The following SUGCT variants were observed in gnomAD, a reference collection of about 807,000 sequenced individuals.
SUGCT encodes the protein succinyl-CoA:glutarate CoA-transferase.
In SUGCT, 41 loss-of-function variants were observed where a neutral mutation model predicts 55.0. That is an observed-to-expected ratio of 0.74 (90% CI 0.58 to 0.97). The LOEUF is 0.97. Ranked by LOEUF, SUGCT falls within the 50% of genes least tolerant of loss-of-function variation. The pLI is 0.00. For synonymous variants in SUGCT, 187 were observed against 200.4 expected, an observed-to-expected ratio of 0.93 and a Z score of 0.56; for missense variants, 568 against 547.8, an observed-to-expected ratio of 1.04 and a Z score of -0.37.
the SUGCT span, among the ~76,000 whole-genome samples, chr7:40,962,322 C>A: frequency 2.6e-5 from 4 of 152,076 alleles, no homozygotes; most frequent in African/African-American, 9.7e-5. Context: ...TAGCTAGACA[C>A]AGAGCACTGA....
chr7:40,666,455 C>A (rs2151862905), intron 12 of SUGCT, among the ~76,000 whole-genome samples: 2 of 76,226 alleles, frequency 2.6e-5, no homozygotes, highest in African/African-American at 1.2e-4. Flanking sequence ...GGTGGGTGGA[C>A]AGGATATTTA....
the SUGCT span, among the ~76,000 whole-genome samples, chr7:40,882,680 C>G: frequency 6.6e-6 from 1 of 152,148 alleles, no homozygotes; most frequent in African/African-American, 2.4e-5. Context: ...GAACATTGGC[C>G]TTCCTGAAAT....
chr7:40,854,395 T>TTTTCTTTC (rs145101175), intron 13 of SUGCT, among the ~76,000 whole-genome samples: 2 of 124,298 alleles, frequency 1.6e-5, no homozygotes, highest in African/African-American at 2.9e-5. Flanking sequence ...ATCAAAATTT[T>TTTTCTTTC]TTTCTTTCTT....
intron 1 of SUGCT, among the ~76,000 whole-genome samples, chr7:40,156,449 T>G (rs1783901933): frequency 6.6e-6 from 1 of 151,338 alleles, no homozygotes; most frequent in Non-Finnish European, 1.5e-5. Flanking sequence ...GGCGACAGAG[T>G]GAGACTCTGC....
At chr7:40,671,576 A>T (rs902546208) in intron 12 of SUGCT, among the ~76,000 whole-genome samples, 4 of 152,218 alleles carry the variant, frequency 2.6e-5, no homozygotes, top group African/African-American at 9.6e-5. Flanking sequence ...AGCAGTGTAC[A>T]TGTGGACACC....
At chr7:40,497,547 C>T (rs1792050370) in intron 12 of SUGCT, among the ~76,000 whole-genome samples, 1 of 152,078 alleles carries the variant, frequency 6.6e-6, no homozygotes, top group Admixed American at 6.6e-5. Context: ...TATGTGAATT[C>T]ATCTGAAAGG....
At chr7:40,560,263 T>C (rs992478387) in intron 12 of SUGCT, among the ~76,000 whole-genome samples, 1 of 152,162 alleles carries the variant, frequency 6.6e-6, no homozygotes, top group Non-Finnish European at 1.5e-5. Flanking sequence ...CACATGTGCA[T>C]GCATGCATGC....
chr7:40,946,795 A>T, the SUGCT span, among the ~76,000 whole-genome samples: 1 of 152,156 alleles, frequency 6.6e-6, no homozygotes, highest in African/African-American at 2.4e-5. Context: ...CCATTTTTTT[A>T]AAATGAGAAA....
In SUGCT at chr7:40,380,170, T is replaced by C. The variant is rs562171515; in HGVS notation, c.816+63315T>C. ...AGTTCCAACCCAGTTCAGTGTCTTCTAGTGGCTGGTAGTCTGCTGGTTTTC... is the reference window on the plus strand; with the variant it reads ...AGTTCCAACCCAGTTCAGTGTCTTCCAGTGGCTGGTAGTCTGCTGGTTTTC... On this transcript the variant is annotated intron_variant, in intron 9 of 13. Coordinates refer to ENST00000335693, the MANE Select transcript of SUGCT (RefSeq NM_001193313.2). Among the ~76,000 whole-genome samples the C allele has an allele frequency of 2.6e-5, 4 of 152,328 alleles. No homozygotes were observed. The East Asian group carries it at 7.7e-4, about 29-fold the overall frequency.
At chr7:40,508,559 G>A (rs1238763959) in intron 12 of SUGCT, among the ~76,000 whole-genome samples, 3 of 139,758 alleles carry the variant, frequency 2.1e-5, no homozygotes, top group South Asian at 4.6e-4. Context: ...GAGGTGTAGA[G>A]CTTGGTAGTG....
the SUGCT span, among the ~76,000 whole-genome samples, chr7:40,943,940 T>C: frequency 6.7e-6 from 1 of 148,926 alleles, no homozygotes; most frequent in Non-Finnish European, 1.5e-5. Context: ...CTCCAGCACC[T>C]GTTGTTTCCT....
chr7:40,259,795 A>G (rs931615678), intron 7 of SUGCT, among the ~76,000 whole-genome samples: 4 of 152,188 alleles, frequency 2.6e-5, no homozygotes, highest in African/African-American at 9.6e-5. Flanking sequence ...CATCTTTTGT[A>G]TCACAAATTT....
intron 9 of SUGCT, among the ~76,000 whole-genome samples, chr7:40,367,201 T>C (rs1478379587): frequency 1.5e-5 from 2 of 135,298 alleles, no homozygotes; most frequent in African/African-American, 2.8e-5. Flanking sequence ...CACTCATAGG[T>C]GGGAATTGAA....
chr7:40,986,433 C>T, the SUGCT span, among the ~76,000 whole-genome samples: 3 of 152,216 alleles, frequency 2.0e-5, no homozygotes, highest in African/African-American at 7.2e-5. Context: ...TTACTCCACT[C>T]ATCACCATGG....
At chr7:41,028,737 C>G in the SUGCT span, among the ~76,000 whole-genome samples, 1 of 152,202 alleles carries the variant, frequency 6.6e-6, no homozygotes, top group Non-Finnish European at 1.5e-5. Flanking sequence ...AAAATGTTGT[C>G]ATGCAGTTCT....
chr7:40,967,565 C>T, the SUGCT span, among the ~76,000 whole-genome samples: 89 of 152,176 alleles, frequency 5.8e-4, no homozygotes, highest in Middle Eastern at 3.4e-3. Flanking sequence ...ATTCTGGCTA[C>T]ATAGCATTGA....
At chr7:40,960,276 C>T in the SUGCT span, among the ~76,000 whole-genome samples, 1 of 152,184 alleles carries the variant, frequency 6.6e-6, no homozygotes, top group Non-Finnish European at 1.5e-5. Flanking sequence ...AAAGCTGTTT[C>T]TCATAGTGAA....
intron 13 of SUGCT, among the ~76,000 whole-genome samples, chr7:40,840,723 A>C (rs1376895972): frequency 8.0e-6 from 1 of 124,580 alleles, no homozygotes; most frequent in African/African-American, 3.2e-5. Flanking sequence ...ATCAAACATC[A>C]ATAAATTGAA....
intron 11 of SUGCT, among the ~76,000 whole-genome samples, chr7:40,476,364 T>C (rs2151479619): frequency 6.6e-6 from 1 of 152,282 alleles, no homozygotes; most frequent in Admixed American, 6.5e-5. Context: ...TATTAAGCCA[T>C]GAGACTGCTT....
Sources: allele counts gnomAD v4.1 joint callset (sites outside exome capture counted in the v4.1 genomes callset), GRCh38; gene constraint gnomAD v4.1.1; transcripts MANE v1.5; gene names NCBI Gene and HGNC (gene_info 2026-07-23, HGNC 2026-07-21).